The following MEI4 variants were observed in gnomAD, a reference collection of about 807,000 sequenced individuals.
MEI4 encodes meiotic double-stranded break formation protein 4.
A neutral mutation model predicts 31.4 loss-of-function variants in MEI4; 27 were observed. The observed-to-expected ratio is 0.86, with a 90% confidence interval of 0.63 to 1.19. The LOEUF (loss-of-function observed/expected upper bound fraction) is 1.19, where lower values mean the gene tolerates loss of function less well. Among genes scored for constraint, MEI4 ranks in the 50% most tolerant of loss-of-function variants. MEI4 has a pLI of 0.00. For missense variants in MEI4, 329 were observed against 398.9 expected, an observed-to-expected ratio of 0.82 and a Z score of 1.49; for synonymous variants, 122 against 145.4, an observed-to-expected ratio of 0.84 and a Z score of 1.16.
chr6:77,893,766 GGACCATTTGGCTTTTTCTGT>G (rs1222224821), intron 4 of MEI4, among the ~76,000 whole-genome samples: 2 of 152,018 alleles, frequency 1.3e-5, no homozygotes, highest in African/African-American at 4.8e-5. Context: ...GCTTTTTCTG[GGACCATTTGGCTTTTTCTGT>G]GACAGATAAA....
chr6:77,727,416 G>A (rs1766855820), intron 2 of MEI4, among the ~76,000 whole-genome samples: 1 of 152,176 alleles, frequency 6.6e-6, no homozygotes, highest in South Asian at 2.1e-4. Flanking sequence ...CAAAGGCTAA[G>A]TTATTTGAAG....
At chr6:77,716,276 C>A (rs1051727174) in intron 2 of MEI4, among the ~76,000 whole-genome samples, 28 of 152,112 alleles carry the variant, frequency 1.8e-4, no homozygotes, top group African/African-American at 6.8e-4. Flanking sequence ...AAATTAAAAT[C>A]TGAAGATTGA....
chr6:77,776,250 G>C (rs376696927), intron 3 of MEI4, among the ~76,000 whole-genome samples: 1 of 151,722 alleles, frequency 6.6e-6, no homozygotes, highest in Admixed American at 6.6e-5. Flanking sequence ...ACAGATTCTA[G>C]GGACTTTATG....
intron 2 of MEI4, among the ~76,000 whole-genome samples, chr6:77,736,755 G>T (rs934846066): frequency 1.3e-5 from 2 of 152,022 alleles, no homozygotes; most frequent in African/African-American, 2.4e-5. Flanking sequence ...TCTAGTGAGG[G>T]TAAGATTACA....
intron 3 of MEI4, among the ~76,000 whole-genome samples, chr6:77,787,008 C>T (rs117003602): frequency 0.015 from 2,233 of 152,238 alleles, 23 homozygotes; most frequent in Non-Finnish European, 0.019. Context: ...CAACACTGGA[C>T]GCACAGCAGA....
intron 3 of MEI4, among the ~76,000 whole-genome samples, chr6:77,796,011 G>A (rs942050524): frequency 6.6e-6 from 1 of 152,078 alleles, no homozygotes; most frequent in Non-Finnish European, 1.5e-5. Context: ...CAACAAAATA[G>A]TAGCAAACCA....
intron 4 of MEI4, among the ~76,000 whole-genome samples, chr6:77,864,096 G>A (rs1770949729): frequency 1.3e-5 from 2 of 152,162 alleles, no homozygotes; most frequent in African/African-American, 4.8e-5. Flanking sequence ...AACATGGAAA[G>A]GAACAATCGG....
In MEI4 at chr6:77,761,121, A is replaced by AT; in HGVS notation, c.233-4dup. 8.1e-7 allele frequency: 1 copy of AT among 1,231,558 alleles called. No individual in the cohort carries two copies. The highest frequency in any genetic ancestry group is 1.0e-6 in the Non-Finnish European group (1 of 987,572). 76.3% of individuals were successfully genotyped at this position (1,231,558 alleles called of 1,614,324 possible). ...ATGAAGATAATCCTTCTATTCCTTT[A>AT]TTTTTCAGGATACGTTTCCTCCCAG... On this transcript the variant is annotated splice_polypyrimidine_tract_variant and intron_variant, in intron 2 of 4. Coordinates refer to ENST00000684080, the MANE Select transcript of MEI4 (RefSeq NM_001322247.2).
intron 3 of MEI4, among the ~76,000 whole-genome samples, chr6:77,805,823 C>G (rs955795525): frequency 6.6e-6 from 1 of 151,658 alleles, no homozygotes; most frequent in African/African-American, 2.4e-5. Flanking sequence ...ATAATCATTT[C>G]ATTCTGTAGC....
At chr6:77,672,472 C>A (rs535234998) in intron 1 of MEI4, among the ~76,000 whole-genome samples, 8 of 152,320 alleles carry the variant, frequency 5.3e-5, no homozygotes, top group Middle Eastern at 6.8e-3. Flanking sequence ...AATAACAAAG[C>A]ATTGCAAATA....
chr6:77,657,448 C>G (rs1203435962), intron 1 of MEI4, among the ~76,000 whole-genome samples: 2 of 150,726 alleles, frequency 1.3e-5, no homozygotes, highest in Admixed American at 6.6e-5. Context: ...GAAGCAAGCC[C>G]TTCAATTTCA....
chr6:77,804,113 G>T (rs148122473), intron 3 of MEI4, among the ~76,000 whole-genome samples: 8,963 of 152,212 alleles, frequency 0.059, 786 homozygotes, highest in African/African-American at 0.19. Flanking sequence ...GGTGCGGTGG[G>T]CTCCACCCAG....
chr6:77,671,631 G>A (rs1768742739), intron 1 of MEI4, among the ~76,000 whole-genome samples: 1 of 152,068 alleles, frequency 6.6e-6, no homozygotes, highest in South Asian at 2.1e-4. Flanking sequence ...TTAACTCATT[G>A]TAGCCCCTCA....
At chr6:77,922,034 C>T (rs1435733080) in intron 4 of MEI4, among the ~76,000 whole-genome samples, 2 of 151,646 alleles carry the variant, frequency 1.3e-5, no homozygotes, top group African/African-American at 2.4e-5. Flanking sequence ...AGGGTTGCCA[C>T]AAACCTTCAA....
At chr6:77,897,172 A>C (rs984617099) in intron 4 of MEI4, among the ~76,000 whole-genome samples, 2 of 152,062 alleles carry the variant, frequency 1.3e-5, no homozygotes, top group Admixed American at 1.3e-4. Context: ...AATATACGTT[A>C]ATTTGATAGC....
At chr6:77,818,478 C>T (rs1303831563) in intron 3 of MEI4, among the ~76,000 whole-genome samples, 1 of 152,106 alleles carries the variant, frequency 6.6e-6, no homozygotes, top group Non-Finnish European at 1.5e-5. Context: ...AATTGATTTT[C>T]ACAATCTTGC....
intron 4 of MEI4, among the ~76,000 whole-genome samples, chr6:77,901,222 G>GAT (rs969319975): frequency 6.6e-6 from 1 of 151,870 alleles, no homozygotes; most frequent in African/African-American, 2.4e-5. Flanking sequence ...ATTTTCTTTA[G>GAT]ATATATACTC....
chr6:77,759,363 G>C (rs957575688), intron 2 of MEI4, among the ~76,000 whole-genome samples: 1 of 151,762 alleles, frequency 6.6e-6, no homozygotes, highest in East Asian at 1.9e-4. Flanking sequence ...CATTTTTATA[G>C]TTTCTGCTAT....
intron 4 of MEI4, among the ~76,000 whole-genome samples, chr6:77,835,373 AACACACACACACAC>A (rs149668655): frequency 1.0e-5 from 1 of 96,792 alleles, no homozygotes; most frequent in Non-Finnish European, 2.2e-5. Flanking sequence ...AACAAAACAA[AACACACACACACAC>A]ACACACACAC....
Sources: allele counts gnomAD v4.1 joint callset (sites outside exome capture counted in the v4.1 genomes callset), GRCh38; gene constraint gnomAD v4.1.1; transcripts MANE v1.5; gene names NCBI Gene and HGNC (gene_info 2026-07-23, HGNC 2026-07-21).